TRMT9B: variants seen among roughly 807,000 people sequenced by gnomAD.
TRMT9B encodes the protein probable tRNA methyltransferase 9B.
TRMT9B carries 16 observed loss-of-function variants against 11.5 expected under a neutral mutation model. The observed-to-expected ratio is 1.39, with a 90% CI of 0.94 to 2.11. The LOEUF is 2.11. Among genes scored for constraint, TRMT9B ranks in the 30% most tolerant of loss-of-function variants. TRMT9B has a pLI of 0.00. For missense variants in TRMT9B, 941 were observed against 553.8 expected (o/e 1.70, Z -7.02); for synonymous variants, 274 against 192.4 (o/e 1.42, Z -3.51).
chr8:12,976,116 G>C (rs2460903), intron 1 of TRMT9B, among the ~76,000 whole-genome samples: 12,599 of 152,218 alleles, frequency 0.083, 619 homozygotes, highest in African/African-American at 0.11. Flanking sequence ...ACCATGCCAA[G>C]AGTCTTAGGT....
At chr8:12,977,309 T>C (rs1342050172) in intron 1 of TRMT9B, among the ~76,000 whole-genome samples, 2 of 152,186 alleles carry the variant, frequency 1.3e-5, no homozygotes, top group South Asian at 2.1e-4. Flanking sequence ...AATGTGTTAC[T>C]GTGCACACAG....
At chr8:12,989,415 A>T (rs1310756484) in intron 1 of TRMT9B, among the ~76,000 whole-genome samples, 2 of 152,250 alleles carry the variant, frequency 1.3e-5, no homozygotes, top group South Asian at 2.1e-4. Context: ...TAGGAAAAAG[A>T]AGCAAAATCA....
intron 2 of TRMT9B, 117 bp from the exon 3 acceptor site, chr8:13,006,085 C>A: frequency 1.1e-6 from 1 of 925,932 alleles, no homozygotes; most frequent in Non-Finnish European, 1.6e-6. Context: ...AGAAAGTGTG[C>A]AAACAGCATG....
chr8:12,957,868 A>G (rs985391278), intron 1 of TRMT9B, among the ~76,000 whole-genome samples: 11 of 152,174 alleles, frequency 7.2e-5, no homozygotes, highest in African/African-American at 2.7e-4. Context: ...ATTGCTGTGC[A>G]ACCATCGCTG....
chr8:12,952,314 G>A, intron 1 of TRMT9B: 3 of 352,482 alleles, frequency 8.5e-6, no homozygotes, highest in South Asian at 3.8e-5. Flanking sequence ...GCGACAGGTC[G>A]TCTAGCGCGT....
Position 12,959,416 on chromosome 8 carries a change from T to A in TRMT9B, c.-200+13450T>A, listed in dbSNP as rs534004254. Among the ~76,000 whole-genome samples the A allele has an allele frequency of 7.0e-4, 106 of 152,202 alleles. 1 individual carries two copies. The highest frequency in any genetic ancestry group is 2.4e-3 in the African/African-American group (99 of 41,544). On this transcript the variant is annotated intron_variant, in intron 1 of 4. Coordinates refer to ENST00000524591, the MANE Select transcript of TRMT9B (RefSeq NM_020844.3). ...GTATATAAATCATAAATGTATGTTG[T>A]CTTTATGTCCATGCAAATATGCCAC...
chr8:13,025,650 G>C lies in TRMT9B; in HGVS notation c.*3606G>C, dbSNP rs757494955. 2 of 167,054 alleles carry C rather than the reference G, an allele frequency of 1.2e-5. No individual in the cohort carries two copies. Among genetic ancestry groups the C allele is most frequent in the Non-Finnish European group, 2.9e-5 (2 of 68,122 alleles). 10.3% of individuals were successfully genotyped at this position (167,054 alleles called of 1,614,324 possible). On this transcript the variant is annotated 3_prime_UTR_variant, in exon 5 of 5. Coordinates refer to ENST00000524591, the MANE Select transcript of TRMT9B (RefSeq NM_020844.3). ...TGGAATCAAAATAATGTTATAGTGA[G>C]AATCATTCAAGCACCTATTTAAATT... is the stretch of plus-strand genomic sequence containing the variant.
chr8:13,020,183 C>G (rs1813550620), intron 4 of TRMT9B, among the ~76,000 whole-genome samples: 2 of 152,148 alleles, frequency 1.3e-5, no homozygotes, highest in African/African-American at 4.8e-5. Context: ...CAAGAATCTT[C>G]CAATTTTGCT....
At chr8:13,013,266 A>C (rs897428198) in intron 4 of TRMT9B, among the ~76,000 whole-genome samples, 4 of 152,230 alleles carry the variant, frequency 2.6e-5, no homozygotes, top group African/African-American at 9.6e-5. Flanking sequence ...AGAGAATTCT[A>C]GGGCTAACAA....
intron 3 of TRMT9B, chr8:13,006,644 G>A: frequency 7.4e-7 from 1 of 1,347,586 alleles, no homozygotes; most frequent in African/African-American, 1.5e-5. Flanking sequence ...TCAGCAGCAA[G>A]TAAAAAACTT....
At chr8:12,969,949 G>T (rs1166826019) in intron 1 of TRMT9B, 2 of 148,602 alleles carry the variant, frequency 1.3e-5, no homozygotes, top group African/African-American at 2.5e-5. Flanking sequence ...TTCCCAAAAT[G>T]CTGGAATTAC....
At chr8:12,994,028 C>T (rs973338447) in intron 2 of TRMT9B, among the ~76,000 whole-genome samples, 11 of 152,278 alleles carry the variant, frequency 7.2e-5, no homozygotes, top group South Asian at 2.1e-4. Flanking sequence ...ATTTCCTGGG[C>T]GAGGGAGAAT....
At position 12,984,954 on chromosome 8, in the gene TRMT9B, TAC is replaced by T. The variant is rs112248064; in HGVS notation, c.-199-5847_-199-5846del. Reference sequence around the variant, plus strand: ...CCTCTTACAACCACCTCCCTCAACATACACACACACACACACACACACACACA... The same window carrying T: ...CCTCTTACAACCACCTCCCTCAACATACACACACACACACACACACACACA... On this transcript the variant is annotated intron_variant, in intron 1 of 4. Coordinates refer to ENST00000524591, the MANE Select transcript of TRMT9B (RefSeq NM_020844.3). Among the ~76,000 whole-genome samples the T allele has an allele frequency of 1.0e-3, 141 of 136,532 alleles. 1 individual carries two copies. The highest frequency in any genetic ancestry group is 4.8e-3 in the South Asian group (21 of 4,376). The allele number at this position is 136,532 out of a possible 152,430, so 89.6% of individuals were successfully genotyped here.
intron 3 of TRMT9B, chr8:13,011,286 C>T (rs1252659693): frequency 7.1e-6 from 7 of 985,022 alleles, no homozygotes; most frequent in African/African-American, 5.2e-5. Flanking sequence ...GCGCCAGACC[C>T]CAAATTTTAT....
At chr8:13,020,974 C>A in intron 4 of TRMT9B, 34 bp from the exon 5 acceptor site, 4 of 1,387,774 alleles carry the variant, frequency 2.9e-6, no homozygotes, top group Non-Finnish European at 2.9e-6. Flanking sequence ...TATGTGTGTG[C>A]ATACACACTG....
chr8:12,969,001 C>T (rs374840268), intron 1 of TRMT9B, among the ~76,000 whole-genome samples: 1 of 152,122 alleles, frequency 6.6e-6, no homozygotes, highest in Non-Finnish European at 1.5e-5. Context: ...CACCTGAGGT[C>T]GGGAGTTCGA....
chr8:12,968,323 G>A (rs901441156), intron 1 of TRMT9B, among the ~76,000 whole-genome samples: 1 of 152,218 alleles, frequency 6.6e-6, no homozygotes, highest in South Asian at 2.1e-4. Flanking sequence ...GTGAGGAAGT[G>A]GGCAGATCTT....
In TRMT9B at chr8:13,000,128, C is replaced by G. The variant is rs541288931; in HGVS notation, c.-1-6074C>G. Among the ~76,000 whole-genome samples the G allele has an allele frequency of 2.6e-3, 398 of 152,188 alleles. 1 individual carries two copies. Among genetic ancestry groups the G allele is most frequent in the Non-Finnish European group, 3.7e-3 (249 of 68,016 alleles). On this transcript the variant is annotated intron_variant, in intron 2 of 4. Transcript: ENST00000524591. ...TTCTGAGGGACCCAGGCTGATGCCT[C>G]CAGGACAAGGAACATTTCATTGCAG...
At chr8:12,990,430 CAAG>C (rs1395387534) in intron 1 of TRMT9B, among the ~76,000 whole-genome samples, 3 of 152,014 alleles carry the variant, frequency 2.0e-5, no homozygotes, top group Admixed American at 6.5e-5. Context: ...ATCAAAGTGA[CAAG>C]AAAGTAGCTA....
Sources: allele counts gnomAD v4.1 joint callset (sites outside exome capture counted in the v4.1 genomes callset), GRCh38; gene constraint gnomAD v4.1.1; transcripts MANE v1.5; gene names NCBI Gene and HGNC (gene_info 2026-07-23, HGNC 2026-07-21).